The following SND1 variants were observed in gnomAD, a reference collection of about 807,000 sequenced individuals.
SND1 encodes staphylococcal nuclease and tudor domain containing 1, also known as staphylococcal nuclease domain-containing protein 1.
A neutral mutation model predicts 121.7 loss-of-function variants in SND1; 38 were observed. The observed-to-expected ratio is 0.31, with a 90% CI of 0.24 to 0.41. The LOEUF (loss-of-function observed/expected upper bound fraction) is 0.41. SND1 is among the 10% of genes least tolerant of loss of function. The pLI is 1.00. For synonymous variants in SND1, 401 were observed against 447.4 expected (o/e 0.90, Z 1.31); for missense variants, 868 against 1,184.6 (o/e 0.73, Z 3.92).
At chr7:127,683,296 A>G (rs1436051749) in intron 1 of SND1, among the ~76,000 whole-genome samples, 2 of 152,112 alleles carry the variant, frequency 1.3e-5, no homozygotes, top group African/African-American at 4.8e-5. Flanking sequence ...GCTCACTGCA[A>G]CCTTGACCTC....
intron 16 of SND1, among the ~76,000 whole-genome samples, chr7:128,038,687 G>GTT (rs1792796016): frequency 7.2e-6 from 1 of 138,314 alleles, no homozygotes; most frequent in Non-Finnish European, 1.6e-5. Flanking sequence ...TACTGGGTTG[G>GTT]GTTTTTTTTT....
chr7:127,993,206 A>G (rs1355842806), intron 16 of SND1, among the ~76,000 whole-genome samples: 1 of 152,248 alleles, frequency 6.6e-6, no homozygotes, highest in Non-Finnish European at 1.5e-5. Flanking sequence ...TTTCCTTTAT[A>G]TTATATATGA....
chr7:127,775,416 A>T (rs1384081742), intron 10 of SND1, among the ~76,000 whole-genome samples: 1 of 150,642 alleles, frequency 6.6e-6, no homozygotes, highest in Non-Finnish European at 1.5e-5. Context: ...AATAAAAAAA[A>T]CACACAGAGT....
chr7:127,940,837 T>C (rs1017796967), intron 15 of SND1, among the ~76,000 whole-genome samples: 2 of 152,212 alleles, frequency 1.3e-5, no homozygotes, highest in African/African-American at 4.8e-5. Context: ...TAGAAGACAC[T>C]TAAGTGTCCA....
Position 127,903,142 on chromosome 7 carries a change from A to C in SND1, c.1455-1605A>C, listed in dbSNP as rs540634392. Among the ~76,000 whole-genome samples the C allele has an allele frequency of 6.6e-5, 10 of 152,072 alleles. No homozygotes were observed. The East Asian group carries it at 1.9e-3, about 29-fold the overall frequency. On this transcript the variant is annotated intron_variant, in intron 13 of 23. Transcript: ENST00000354725. Reference sequence around the variant, plus strand: ...TGTGATCTACCTTCCTCGGCCTCCCAAAGTGCTGAGATTACAGGCTTGAGC... The same window carrying C: ...TGTGATCTACCTTCCTCGGCCTCCCCAAGTGCTGAGATTACAGGCTTGAGC...
intron 16 of SND1, chr7:127,999,106 G>C (rs1474189617): frequency 6.6e-6 from 1 of 152,182 alleles, no homozygotes; most frequent in East Asian, 1.9e-4. Flanking sequence ...GTGTAGGTTT[G>C]GTAGGCCTCA....
At chr7:128,043,784 T>C (rs1792897658) in intron 16 of SND1, among the ~76,000 whole-genome samples, 2 of 151,462 alleles carry the variant, frequency 1.3e-5, no homozygotes, top group African/African-American at 4.9e-5. Flanking sequence ...TTATATATTG[T>C]GTATAAATAC....
intron 17 of SND1, among the ~76,000 whole-genome samples, chr7:128,075,590 C>T (rs894369036): frequency 2.6e-5 from 4 of 152,246 alleles, no homozygotes; most frequent in African/African-American, 9.6e-5. Context: ...CCCCTTGGGA[C>T]TGTCCTCCTG....
intron 12 of SND1, among the ~76,000 whole-genome samples, chr7:127,872,149 A>C (rs1231945672): frequency 6.6e-6 from 1 of 152,122 alleles, no homozygotes; most frequent in Non-Finnish European, 1.5e-5. Context: ...AACTCATTAT[A>C]ATATGTCTGA....
intron 18 of SND1, 94 bp from the exon 19 acceptor site, chr7:128,084,630 A>G: frequency 7.2e-7 from 1 of 1,392,126 alleles, no homozygotes; most frequent in Non-Finnish European, 9.6e-7. Context: ...AGAATTTTAC[A>G]TTGAGCTCCC....
At chr7:127,685,499 C>A (rs1041547062) in intron 1 of SND1, among the ~76,000 whole-genome samples, 40 of 152,202 alleles carry the variant, frequency 2.6e-4, no homozygotes, top group Admixed American at 2.6e-3. Flanking sequence ...TATTGTGAGT[C>A]TCTTCGCAAA....
intron 16 of SND1, among the ~76,000 whole-genome samples, chr7:127,995,741 T>C (rs1584724386): frequency 1.3e-5 from 2 of 152,294 alleles, no homozygotes; most frequent in African/African-American, 4.8e-5. Context: ...ACAGCAGTGT[T>C]TTCACTGCTG....
intron 16 of SND1, chr7:128,027,009 T>C (rs564258681): frequency 6.6e-6 from 1 of 152,542 alleles, no homozygotes; most frequent in Non-Finnish European, 1.5e-5. Flanking sequence ...ATAGAAATGA[T>C]TGGCTCATAA....
chr7:127,989,859 C>T (rs952831135), intron 15 of SND1, among the ~76,000 whole-genome samples: 3 of 152,156 alleles, frequency 2.0e-5, no homozygotes, highest in African/African-American at 7.2e-5. Context: ...CAAAATGTAG[C>T]ATATTTCATG....
At chr7:127,665,410 A>C (rs1289525801) in intron 1 of SND1, among the ~76,000 whole-genome samples, 4 of 152,054 alleles carry the variant, frequency 2.6e-5, no homozygotes, top group Non-Finnish European at 1.5e-5. Flanking sequence ...GATAGTGTCA[A>C]TCTCCTGACC....
At chr7:127,914,809 G>A (rs1800537445) in intron 14 of SND1, among the ~76,000 whole-genome samples, 1 of 152,112 alleles carries the variant, frequency 6.6e-6, no homozygotes, top group Non-Finnish European at 1.5e-5. Context: ...TAGATTACTG[G>A]GGTTCAGTTG....
chr7:127,857,363 T>A (rs1163392121), intron 12 of SND1, among the ~76,000 whole-genome samples: 2 of 146,350 alleles, frequency 1.4e-5, no homozygotes, highest in African/African-American at 5.0e-5. Flanking sequence ...CGGCTAATTT[T>A]TTTTTTTTTT....
chr7:127,746,253 G>T (rs1189432679), intron 10 of SND1, among the ~76,000 whole-genome samples: 3 of 152,184 alleles, frequency 2.0e-5, no homozygotes, highest in Non-Finnish European at 2.9e-5. Context: ...AATTTTAGAA[G>T]TTCTTTTAAA....
intron 11 of SND1, among the ~76,000 whole-genome samples, chr7:127,832,735 C>T (rs1016570062): frequency 1.3e-5 from 2 of 152,170 alleles, no homozygotes; most frequent in Non-Finnish European, 2.9e-5. Context: ...CCCCAAGCCC[C>T]GGACTGCGGA....
Sources: allele counts gnomAD v4.1 joint callset (sites outside exome capture counted in the v4.1 genomes callset), GRCh38; gene constraint gnomAD v4.1.1; transcripts MANE v1.5; gene names NCBI Gene and HGNC (gene_info 2026-07-23, HGNC 2026-07-21).